SLC4A4: variants seen among roughly 807,000 people sequenced by gnomAD.
The protein encoded by SLC4A4 is electrogenic sodium bicarbonate cotransporter 1.
Under a neutral mutation model 111.5 loss-of-function variants are expected in SLC4A4, and 27 were observed. That is an observed-to-expected ratio of 0.24 (90% CI 0.18 to 0.33). The LOEUF (loss-of-function observed/expected upper bound fraction) is 0.33, where lower values mean the gene tolerates loss of function less well. SLC4A4 is among the 10% of genes least tolerant of loss of function. The pLI, the probability that SLC4A4 is intolerant of heterozygous loss-of-function variation, is 1.00. For missense variants in SLC4A4, 909 were observed against 1,315.5 expected, an observed-to-expected ratio of 0.69 and a Z score of 4.78; for synonymous variants, 443 against 463.4, an observed-to-expected ratio of 0.96 and a Z score of 0.57.
At chr4:71,200,984 C>CA (rs1746222954) in intron 1 of SLC4A4, among the ~76,000 whole-genome samples, 1 of 152,160 alleles carries the variant, frequency 6.6e-6, no homozygotes, top group African/African-American at 2.4e-5. Context: ...AGTTGTTTTC[C>CA]AAATCCTCCA....
chr4:71,544,114 A>G (rs1327318748), intron 18 of SLC4A4, among the ~76,000 whole-genome samples: 2 of 152,084 alleles, frequency 1.3e-5, no homozygotes, highest in Non-Finnish European at 2.9e-5. Flanking sequence ...ACATAATTTC[A>G]GAATTAGTGT....
intron 3 of SLC4A4, among the ~76,000 whole-genome samples, chr4:71,316,450 T>TG (rs1343661222): frequency 2.0e-4 from 30 of 152,244 alleles, no homozygotes; most frequent in African/African-American, 7.2e-4. Flanking sequence ...TTCACCATGG[T>TG]GGAGATTAGG....
intron 1 of SLC4A4, among the ~76,000 whole-genome samples, chr4:71,198,283 A>G (rs1264451841): frequency 6.6e-6 from 1 of 152,216 alleles, no homozygotes; most frequent in Non-Finnish European, 1.5e-5. Context: ...TTCCAGTGAA[A>G]TCTCAGTGTT....
chr4:71,296,466 C>T (rs979781945), intron 3 of SLC4A4, among the ~76,000 whole-genome samples: 4 of 152,000 alleles, frequency 2.6e-5, no homozygotes, highest in Non-Finnish European at 5.9e-5. Flanking sequence ...TTAAAAGAAA[C>T]GTGGAAAAAT....
At chr4:71,508,072 G>A (rs765670848) in intron 16 of SLC4A4, among the ~76,000 whole-genome samples, 3 of 152,076 alleles carry the variant, frequency 2.0e-5, no homozygotes, top group Non-Finnish European at 2.9e-5. Flanking sequence ...GAATCACTAG[G>A]ATGTAGCTAA....
intron 1 of SLC4A4, among the ~76,000 whole-genome samples, chr4:71,189,740 C>T (rs999199050): frequency 6.6e-6 from 1 of 152,166 alleles, no homozygotes; most frequent in Non-Finnish European, 1.5e-5. Context: ...AGAGGAGAAG[C>T]GTCCTGAGAG....
chr4:71,448,476 T>G (rs1035420143), intron 9 of SLC4A4, among the ~76,000 whole-genome samples: 3 of 152,196 alleles, frequency 2.0e-5, no homozygotes, highest in African/African-American at 7.2e-5. Flanking sequence ...AAATGGATAA[T>G]GCATTTTTTC....
At chr4:71,282,458 T>C (rs1723598633) in intron 3 of SLC4A4, among the ~76,000 whole-genome samples, 1 of 151,942 alleles carries the variant, frequency 6.6e-6, no homozygotes. Context: ...GCTAATTTTG[T>C]ATTTTTAGTA....
chr4:71,507,678 T>C (rs1731542747), intron 16 of SLC4A4, among the ~76,000 whole-genome samples: 1 of 152,102 alleles, frequency 6.6e-6, no homozygotes, highest in Non-Finnish European at 1.5e-5. Flanking sequence ...ATATTATACA[T>C]ATCATCAAGA....
chr4:71,531,127 C>T (rs1362367173), intron 16 of SLC4A4, among the ~76,000 whole-genome samples: 1 of 152,088 alleles, frequency 6.6e-6, no homozygotes, highest in African/African-American at 2.4e-5. Flanking sequence ...ATGGGAAGCT[C>T]AGGTATCTGT....
chr4:71,466,121 C>T, intron 12 of SLC4A4, among the ~76,000 whole-genome samples: 1 of 152,104 alleles, frequency 6.6e-6, no homozygotes, highest in South Asian at 2.1e-4. Flanking sequence ...CCATTTGATT[C>T]TGACGTGTAG....
At chr4:71,072,657 G>T (rs1468368008) in intron 1 of SLC4A4, among the ~76,000 whole-genome samples, 1 of 151,872 alleles carries the variant, frequency 6.6e-6, no homozygotes, top group African/African-American at 2.4e-5. Context: ...TACAGTTATA[G>T]CTTTAAAGAG....
intron 14 of SLC4A4, among the ~76,000 whole-genome samples, chr4:71,480,333 G>GTCTT (rs1464199799): frequency 1.3e-5 from 2 of 150,502 alleles, no homozygotes; most frequent in Non-Finnish European, 3.0e-5. Flanking sequence ...CAATCATTAA[G>GTCTT]TCTTGCTGAA....
intron 2 of SLC4A4, among the ~76,000 whole-genome samples, chr4:71,095,463 G>A (rs1186602743): frequency 1.3e-5 from 2 of 152,218 alleles, no homozygotes; most frequent in Non-Finnish European, 2.9e-5. Flanking sequence ...TTAAGAAAAT[G>A]TAGGACTTTC....
intron 18 of SLC4A4, among the ~76,000 whole-genome samples, chr4:71,539,410 C>CA (rs1208016724): frequency 6.6e-6 from 1 of 152,044 alleles, no homozygotes; most frequent in Non-Finnish European, 1.5e-5. Context: ...GACTCTTTGC[C>CA]AGAGTACCAC....
At chr4:71,400,740 A>G (rs1720282726) in intron 7 of SLC4A4, among the ~76,000 whole-genome samples, 1 of 152,180 alleles carries the variant, frequency 6.6e-6, no homozygotes, top group African/African-American at 2.4e-5. Flanking sequence ...AACTTCAAAT[A>G]CAAAAACTCC....
intron 3 of SLC4A4, among the ~76,000 whole-genome samples, chr4:71,315,711 A>G (rs1245708693): frequency 6.6e-6 from 1 of 152,198 alleles, no homozygotes; most frequent in Non-Finnish European, 1.5e-5. Context: ...TTTAAAGACA[A>G]AGTATGGAGG....
At chr4:71,341,482 AG>A (rs1728901323) in intron 4 of SLC4A4, among the ~76,000 whole-genome samples, 1 of 152,180 alleles carries the variant, frequency 6.6e-6, no homozygotes, top group Non-Finnish European at 1.5e-5. Context: ...AATCAATTAG[AG>A]CAGATGAGCT....
intron 12 of SLC4A4, among the ~76,000 whole-genome samples, chr4:71,465,373 G>A (rs973116598): frequency 4.6e-5 from 7 of 151,486 alleles, no homozygotes; most frequent in African/African-American, 1.7e-4. Context: ...TGAATAAAGG[G>A]TTTCTGTCAT....
Sources: allele counts gnomAD v4.1 joint callset (sites outside exome capture counted in the v4.1 genomes callset), GRCh38; gene constraint gnomAD v4.1.1; transcripts MANE v1.5; gene names NCBI Gene and HGNC (gene_info 2026-07-23, HGNC 2026-07-21).